The following SETD2 variants were observed in gnomAD, a reference collection of about 807,000 sequenced individuals.
The protein encoded by SETD2 is histone-lysine N-methyltransferase SETD2.
A neutral mutation model predicts 242.1 loss-of-function variants in SETD2; 31 were observed. The ratio of observed to expected loss-of-function variants is 0.13; its 90% CI spans 0.10 to 0.17. The LOEUF (loss-of-function observed/expected upper bound fraction) is 0.17. Ranked by LOEUF, SETD2 falls within the 10% of genes least tolerant of loss-of-function variation. The pLI is 1.00. For synonymous variants in SETD2, 1,006 were observed against 1,066.5 expected, an observed-to-expected ratio of 0.94 and a Z score of 1.11; for missense variants, 2,481 against 3,046.3, an observed-to-expected ratio of 0.81 and a Z score of 4.37.
intron 1 of SETD2, among the ~76,000 whole-genome samples, chr3:47,156,264 T>C (rs1010840277): frequency 6.6e-6 from 1 of 152,140 alleles, no homozygotes; most frequent in East Asian, 1.9e-4. Context: ...CTGTAATGTA[T>C]TAAACAAAAT....
At chr3:47,059,248 C>G (rs760244578) in intron 14 of SETD2, among the ~76,000 whole-genome samples, 7 of 150,370 alleles carry the variant, frequency 4.7e-5, no homozygotes, top group Non-Finnish European at 7.4e-5. Flanking sequence ...TCCCCAGTAA[C>G]TGGGATTACA....
In SETD2 at chr3:47,123,184, C is replaced by T. The variant is rs2106697411; in HGVS notation, c.1452G>A (p.Arg484=). The T allele has an allele frequency of 6.3e-7, 1 of 1,599,276 alleles. No individual in the cohort carries two copies. The highest frequency in any genetic ancestry group is 8.5e-7 in the Non-Finnish European group (1 of 1,171,384). ...SSHSSSYRDL[R]TSSYSKSDRD... ...GATCAGATTTAGAATAGGATGATGT[C>T]CTTAGGTCTCTGTAAGAAGAGGAAT... Residue 484 remains arginine (R), a synonymous_variant, in exon 3 of 21, where the codon AGG becomes AGA. Coordinates refer to ENST00000409792, the MANE Select transcript of SETD2 (RefSeq NM_014159.7).
chr3:47,033,749 T>TC (rs2038884062), intron 18 of SETD2, among the ~76,000 whole-genome samples: 1 of 137,800 alleles, frequency 7.3e-6, no homozygotes, highest in African/African-American at 2.6e-5. Flanking sequence ...GCAACCCCCG[T>TC]CTCCCGGGTT....
At chr3:47,065,218 C>G (rs1438245123) in intron 13 of SETD2, among the ~76,000 whole-genome samples, 1 of 152,004 alleles carries the variant, frequency 6.6e-6, no homozygotes, top group Non-Finnish European at 1.5e-5. Context: ...TATTTGCAGC[C>G]CTAAGTAGAA....
intron 1 of SETD2, among the ~76,000 whole-genome samples, chr3:47,133,083 C>T (rs534478652): frequency 6.6e-6 from 1 of 152,044 alleles, no homozygotes; most frequent in East Asian, 1.9e-4. Context: ...AAATTTCCAG[C>T]ATTCCAGGAA....
chr3:47,147,447 C>T (rs997015731), intron 1 of SETD2, among the ~76,000 whole-genome samples: 2 of 151,566 alleles, frequency 1.3e-5, no homozygotes, highest in East Asian at 2.0e-4. Context: ...CTCAGCCGCC[C>T]GACTAGCTGG....
chr3:47,087,503 A>T (rs1486650683), intron 10 of SETD2, among the ~76,000 whole-genome samples: 2 of 152,202 alleles, frequency 1.3e-5, no homozygotes, highest in African/African-American at 4.8e-5. Flanking sequence ...GGTGGAGCTC[A>T]GGCAGTAATG....
chr3:47,143,154 G>A (rs923113207), intron 1 of SETD2, among the ~76,000 whole-genome samples: 7 of 151,998 alleles, frequency 4.6e-5, no homozygotes, highest in South Asian at 2.1e-4. Flanking sequence ...TTAGCCAGGC[G>A]TTGGTGATGC....
intron 1 of SETD2, among the ~76,000 whole-genome samples, chr3:47,149,120 T>C (rs989107666): frequency 2.0e-5 from 3 of 152,152 alleles, no homozygotes; most frequent in Non-Finnish European, 4.4e-5. Flanking sequence ...CTGAAGACCT[T>C]TAGGAAAACA....
At chr3:47,098,443 TGGCAC>T (rs2042088323) in intron 8 of SETD2, 1 of 169,912 alleles carries the variant, frequency 5.9e-6, no homozygotes, top group Non-Finnish European at 1.3e-5. Flanking sequence ...AATGTTTAAT[TGGCAC>T]ATAGAACAAA....
intron 14 of SETD2, among the ~76,000 whole-genome samples, chr3:47,057,890 T>C (rs1345426215): frequency 6.6e-6 from 1 of 152,116 alleles, no homozygotes; most frequent in Non-Finnish European, 1.5e-5. Context: ...AATTCCACAG[T>C]ACGGTTAAGC....
intron 1 of SETD2, among the ~76,000 whole-genome samples, chr3:47,128,519 G>A (rs991334792): frequency 3.3e-5 from 5 of 152,212 alleles, no homozygotes; most frequent in African/African-American, 1.2e-4. Context: ...CCAAATGTAG[G>A]CCTAACTTCA....
chr3:47,116,606 T>C lies in SETD2; in HGVS notation c.4586+17A>G, dbSNP rs2107727645. On this transcript the variant is annotated intron_variant, in intron 4 of 20. Transcript: ENST00000409792. The stretch of plus-strand genomic sequence containing the variant: ...ATAGAAGTGTTGAGCAAAAGCCGAG[T>C]ATTCTAATTTACTTACCATTCAATC... 6.3e-7 allele frequency: 1 copy of C among 1,598,182 alleles called. No homozygotes were observed. Among genetic ancestry groups the C allele is most frequent in the South Asian group, 1.1e-5 (1 of 87,746 alleles).
intron 16 of SETD2, 30 bp downstream of exon 16, chr3:47,046,457 A>G (rs746665359): frequency 3.2e-6 from 5 of 1,548,858 alleles, no homozygotes; most frequent in African/African-American, 1.4e-5. Context: ...TAGACAGCCA[A>G]TGAGTTTTAA....
intron 9 of SETD2, among the ~76,000 whole-genome samples, chr3:47,089,167 C>T (rs1313849849): frequency 6.6e-6 from 1 of 152,116 alleles, no homozygotes; most frequent in Non-Finnish European, 1.5e-5. Context: ...CAAGGATGAC[C>T]GGGCATGGTG....
At chr3:47,071,725 G>A (rs1035841380) in intron 12 of SETD2, among the ~76,000 whole-genome samples, 2 of 151,310 alleles carry the variant, frequency 1.3e-5, no homozygotes, top group Admixed American at 6.6e-5. Context: ...TCTTTAACTC[G>A]AAATAGTATG....
At chr3:47,087,388 A>G (rs1274185554) in intron 10 of SETD2, among the ~76,000 whole-genome samples, 1 of 152,176 alleles carries the variant, frequency 6.6e-6, no homozygotes. Flanking sequence ...ATCATCAGGC[A>G]TTAGATTCTC....
intron 18 of SETD2, among the ~76,000 whole-genome samples, chr3:47,021,840 A>C (rs1182010318): frequency 6.6e-6 from 1 of 152,160 alleles, no homozygotes; most frequent in Non-Finnish European, 1.5e-5. Context: ...ACTCCAAAAA[A>C]GTCCCATTTA....
intron 1 of SETD2, among the ~76,000 whole-genome samples, chr3:47,155,008 C>A (rs1160978145): frequency 6.6e-6 from 1 of 150,408 alleles, no homozygotes; most frequent in Non-Finnish European, 1.5e-5. Context: ...AAAAAAAAAT[C>A]TTAAACATAC....
Sources: gnomAD v4.1 joint callset for allele counts (sites outside exome capture counted in the v4.1 genomes callset) on GRCh38, gnomAD v4.1.1 for gene constraint, MANE v1.5 for transcripts, NCBI Gene and HGNC (gene_info 2026-07-23, HGNC 2026-07-21) for gene names.